Variants in PLCG2 observed in about 807,000 individuals in gnomAD.
PLCG2 encodes phospholipase C gamma 2.
PLCG2 carries 69 observed loss-of-function variants against 175.6 expected under a neutral mutation model. The observed-to-expected ratio is 0.39, with a 90% CI of 0.32 to 0.48. The LOEUF (loss-of-function observed/expected upper bound fraction) is 0.48, where lower values mean the gene tolerates loss of function less well. PLCG2 is among the 20% of genes least tolerant of loss of function. The probability of loss-of-function intolerance (pLI) is 0.91; values close to 1 mark genes in which losing one functional copy is unlikely to be tolerated. For missense variants in PLCG2, 1,798 were observed against 1,650.9 expected, an observed-to-expected ratio of 1.09 and a Z score of -1.54; for synonymous variants, 827 against 624.0, an observed-to-expected ratio of 1.33 and a Z score of -4.85.
intron 2 of PLCG2, among the ~76,000 whole-genome samples, chr16:81,796,089 C>T (rs1911456688): frequency 6.6e-6 from 1 of 152,170 alleles, no homozygotes; most frequent in African/African-American, 2.4e-5. Flanking sequence ...TGTAGGAATC[C>T]AGGAGAATGA....
intron 27 of PLCG2, 23 bp from the exon 28 acceptor site, chr16:81,937,735 C>T (rs1447663845): frequency 1.2e-6 from 2 of 1,609,036 alleles, no homozygotes; most frequent in Non-Finnish European, 1.7e-6. Flanking sequence ...TGACTTACAG[C>T]AGGCGTTCAC....
At chr16:81,820,915 C>G (rs4889407) in intron 2 of PLCG2, among the ~76,000 whole-genome samples, 52,258 of 150,776 alleles carry the variant, frequency 0.35, 9,889 homozygotes, top group East Asian at 0.77. Flanking sequence ...ACCATCATGC[C>G]TGGCTAATTT....
intron 12 of PLCG2, among the ~76,000 whole-genome samples, chr16:81,894,820 C>A (rs546988293): frequency 6.6e-6 from 1 of 152,008 alleles, no homozygotes; most frequent in Non-Finnish European, 1.5e-5. Flanking sequence ...TTGCAGTAAG[C>A]TGAGATCGCG....
chr16:81,922,383 A>G (rs1222130442), intron 21 of PLCG2, among the ~76,000 whole-genome samples: 2 of 152,132 alleles, frequency 1.3e-5, no homozygotes, highest in African/African-American at 4.8e-5. Flanking sequence ...ATAACTACTT[A>G]CCTGTTATGG....
At chr16:81,813,618 G>C (rs1241540716) in intron 2 of PLCG2, among the ~76,000 whole-genome samples, 1 of 152,230 alleles carries the variant, frequency 6.6e-6, no homozygotes, top group Non-Finnish European at 1.5e-5. Context: ...TGTGGGTCAG[G>C]AATTTGGGCA....
intron 26 of PLCG2, 83 bp downstream of exon 26, chr16:81,934,614 G>C (rs2143721842): frequency 2.4e-6 from 2 of 845,650 alleles, no homozygotes; most frequent in Non-Finnish European, 4.0e-6. Context: ...AGAGGGGGCA[G>C]AGAGTGCATT....
At position 81,858,331 on chromosome 16, in the gene PLCG2, G is replaced by A. The variant is rs367885048; in HGVS notation, c.406G>A (p.Ala136Thr). 45 of 1,613,656 alleles carry A rather than the reference G, an allele frequency of 2.8e-5. No individual in the cohort carries two copies. The African/African-American group carries it at 5.7e-4, about 21-fold the overall frequency. ...LKILHQEAMN[A>T]STPTIIESWL... ...AATCTTACACCAGGAAGCGATGAAT[G>A]CGTCCACGCCCACCATTATCGAGAG... The change falls in exon 4 of 33, where the codon GCG becomes ACG. Residue 136 changes from alanine to threonine, a missense_variant. Physicochemically the swap from Ala to Thr is moderately conservative, Grantham distance 58. Transcript: ENST00000564138.
At chr16:81,889,780 G>A (rs1339728289) in intron 10 of PLCG2, among the ~76,000 whole-genome samples, 2 of 151,942 alleles carry the variant, frequency 1.3e-5, no homozygotes, top group South Asian at 2.1e-4. Flanking sequence ...TCAGCCTCCC[G>A]AGTAGCTGGG....
intron 26 of PLCG2, 146 bp from the exon 27 acceptor site, chr16:81,936,023 G>A (rs1910695578): frequency 5.5e-6 from 8 of 1,452,618 alleles, no homozygotes; most frequent in Non-Finnish European, 7.2e-6. Context: ...TACCAATTGG[G>A]ACAATATCAT....
chr16:81,888,138 G>A (rs180833586), intron 9 of PLCG2, among the ~76,000 whole-genome samples: 505 of 152,306 alleles, frequency 3.3e-3, no homozygotes, highest in Non-Finnish European at 5.6e-3. Flanking sequence ...AATGACTTGC[G>A]GAGTTGTGTG....
Position 81,895,925 on chromosome 16 carries a change from G to A in PLCG2, c.1191G>A (p.Ser397=), listed in dbSNP as rs764208800. 13 of 1,613,980 alleles carry A rather than the reference G, an allele frequency of 8.1e-6. No homozygotes were observed. The highest frequency in any genetic ancestry group is 1.3e-5 in the African/African-American group (1 of 74,908). ...TCAAAGACCACGCCTTTGTTACCTC[G>A]AGGTCAGTTGGCTGATTTCTGGGTG... is the stretch of plus-strand genomic sequence containing the variant. ...QAIKDHAFVT[S]SFPVILSIEE... is the part of the protein sequence containing the mutation. The change falls in exon 13 of 33, where the codon TCG becomes TCA. Residue 397 remains serine (S), a splice_region_variant and synonymous_variant. Coordinates refer to ENST00000564138, the MANE Select transcript of PLCG2 (RefSeq NM_002661.5).
In PLCG2 at chr16:81,900,663, T is replaced by C; in HGVS notation, c.1245T>C (p.Arg415=). ...AGCACTGCAGCGTGGAGCAACAGCG[T>C]CACATGGCCAAGGCCTTCAAGGAAG... ...IEEHCSVEQQ[R]HMAKAFKEVF... Residue 415 remains arginine, a synonymous_variant, in exon 14 of 33, where the codon CGT becomes CGC. Coordinates refer to ENST00000564138, the MANE Select transcript of PLCG2 (RefSeq NM_002661.5). 1 of 1,612,244 alleles carries C rather than the reference T, an allele frequency of 6.2e-7. No homozygotes were observed.
intron 20 of PLCG2, among the ~76,000 whole-genome samples, chr16:81,920,168 A>G (rs905648106): frequency 2.6e-5 from 4 of 152,240 alleles, no homozygotes; most frequent in Non-Finnish European, 5.9e-5. Flanking sequence ...CAGGTGACTT[A>G]TCATGCAGGG....
chr16:81,743,922 G>A (rs1909650709), intron 1 of PLCG2, among the ~76,000 whole-genome samples: 1 of 151,316 alleles, frequency 6.6e-6, no homozygotes, highest in Admixed American at 6.6e-5. Context: ...GCAGTGGTAC[G>A]ATCTTGGCTC....
chr16:81,956,350 C>T (rs1053875915), intron 31 of PLCG2, among the ~76,000 whole-genome samples: 1 of 152,132 alleles, frequency 6.6e-6, no homozygotes, highest in African/African-American at 2.4e-5. Flanking sequence ...GCTGCTTAGA[C>T]ACTTTTGCAG....
intron 10 of PLCG2, among the ~76,000 whole-genome samples, chr16:81,890,908 A>G (rs1242830485): frequency 6.6e-6 from 1 of 152,220 alleles, no homozygotes; most frequent in Admixed American, 6.5e-5. Context: ...CACGCCTGTA[A>G]TCCCAGCACT....
Position 81,760,755 on chromosome 16 carries a change from A to T in PLCG2, c.-48+4789A>T, listed in dbSNP as rs970355968. Among the ~76,000 whole-genome samples, 5 of 82,648 alleles carry T rather than the reference A, an allele frequency of 6.0e-5. No individual in the cohort carries two copies. In the East Asian group the frequency reaches 7.6e-4, roughly 13 times the overall value. 54.2% of individuals were successfully genotyped at this position (82,648 alleles called of 152,430 possible). A position where few individuals can be genotyped will look rare whatever the true frequency, so the allele number is the denominator to read the frequency against. ...GTGAGACCCCGTCTCTATTAAAAAA[A>T]AAAATAATAATAATAATAATAATAA... On this transcript the variant is annotated intron_variant, in intron 2 of 5. Transcript: ENST00000565054.
At chr16:81,915,627 C>T (rs961648157) in intron 19 of PLCG2, among the ~76,000 whole-genome samples, 10 of 152,110 alleles carry the variant, frequency 6.6e-5, no homozygotes, top group African/African-American at 1.7e-4. Flanking sequence ...GACACTGTGC[C>T]GACAGCTTAC....
intron 19 of PLCG2, among the ~76,000 whole-genome samples, chr16:81,916,573 C>T (rs543496661): frequency 7.1e-6 from 1 of 140,568 alleles, no homozygotes; most frequent in South Asian, 2.5e-4. Flanking sequence ...TATACACACA[C>T]TTAACCATTT....
Sources: gnomAD v4.1 joint callset for allele counts (sites outside exome capture counted in the v4.1 genomes callset) on GRCh38, gnomAD v4.1.1 for gene constraint, MANE v1.5 for transcripts, NCBI Gene and HGNC (gene_info 2026-07-23, HGNC 2026-07-21) for gene names.